SEMA3C: variants seen among roughly 807,000 people sequenced by gnomAD.
SEMA3C encodes semaphorin 3C.
A neutral mutation model predicts 89.4 loss-of-function variants in SEMA3C; 47 were observed. The ratio of observed to expected loss-of-function variants is 0.53; its 90% CI spans 0.42 to 0.67. SEMA3C has a LOEUF of 0.67. Ranked by LOEUF, SEMA3C falls within the 30% of genes least tolerant of loss-of-function variation. The probability of loss-of-function intolerance (pLI) is 0.00; values close to 1 mark genes in which losing one functional copy is unlikely to be tolerated. For synonymous variants in SEMA3C, 310 were observed against 320.2 expected (o/e 0.97, Z 0.34); for missense variants, 839 against 929.1 (o/e 0.90, Z 1.26).
chr7:80,765,611 C>T (rs1788282034), intron 12 of SEMA3C, among the ~76,000 whole-genome samples: 7 of 152,012 alleles, frequency 4.6e-5, no homozygotes, highest in Admixed American at 3.9e-4. Flanking sequence ...GTGTCTTGCT[C>T]TCTTGCCCAG....
At chr7:80,759,311 G>C (rs1161795264) in intron 14 of SEMA3C, among the ~76,000 whole-genome samples, 1 of 152,134 alleles carries the variant, frequency 6.6e-6, no homozygotes, top group Non-Finnish European at 1.5e-5. Flanking sequence ...TGATGCAGTT[G>C]TATGGGTGTG....
chr7:80,878,626 T>C (rs1791255584), intron 2 of SEMA3C, among the ~76,000 whole-genome samples: 1 of 152,042 alleles, frequency 6.6e-6, no homozygotes, highest in South Asian at 2.1e-4. Flanking sequence ...AAGTTAGATA[T>C]CTTAAGTCTG....
intron 2 of SEMA3C, among the ~76,000 whole-genome samples, chr7:80,849,489 A>G (rs1790462780): frequency 6.6e-6 from 1 of 152,204 alleles, no homozygotes; most frequent in Non-Finnish European, 1.5e-5. Context: ...TATGCATAAA[A>G]ATACATGTTC....
chr7:80,783,295 G>T (rs968400504), intron 12 of SEMA3C, among the ~76,000 whole-genome samples: 2 of 151,700 alleles, frequency 1.3e-5, no homozygotes, highest in African/African-American at 4.8e-5. Context: ...ACCTCTCTTT[G>T]CTACTCTTCT....
At chr7:80,854,429 G>T (rs1000984297) in intron 2 of SEMA3C, among the ~76,000 whole-genome samples, 3 of 152,104 alleles carry the variant, frequency 2.0e-5, no homozygotes, top group Non-Finnish European at 2.9e-5. Context: ...AAACAGCATA[G>T]GTATACCTCC....
intron 2 of SEMA3C, among the ~76,000 whole-genome samples, chr7:80,908,016 T>C (rs763981931): frequency 7.2e-5 from 11 of 152,152 alleles, no homozygotes; most frequent in Non-Finnish European, 8.8e-5. Flanking sequence ...AAAAATATCA[T>C]TTGTATAATA....
rs1285566513 is a variant in SEMA3C at position 80,897,048 on chromosome 7, T to C, written c.103+19631A>G. 2.0e-5 allele frequency among the ~76,000 whole-genome samples: 3 copies of C among 152,166 alleles called. No homozygotes were observed. In the East Asian group the frequency reaches 5.8e-4, roughly 29 times the overall value. ...CGCCGGAGAGCATGGGGCTGTGGGA[T>C]GGGCCAGCAACTTGCATGGCCTGAC... On this transcript the variant is annotated intron_variant, in intron 2 of 17. Coordinates refer to ENST00000265361, the MANE Select transcript of SEMA3C (RefSeq NM_006379.5).
chr7:80,911,923 G>A (rs115159497), intron 2 of SEMA3C, among the ~76,000 whole-genome samples: 1,600 of 152,074 alleles, frequency 0.011, 25 homozygotes, highest in African/African-American at 0.036. Flanking sequence ...GTGAGCCCCC[G>A]TGCTCGACCA....
At chr7:80,883,751 A>G (rs927216631) in intron 2 of SEMA3C, among the ~76,000 whole-genome samples, 5 of 152,254 alleles carry the variant, frequency 3.3e-5, no homozygotes, top group Non-Finnish European at 5.9e-5. Flanking sequence ...GGTCCTTCAG[A>G]GTATCAAAGC....
At chr7:80,885,253 G>A (rs116745389) in intron 2 of SEMA3C, among the ~76,000 whole-genome samples, 1 of 152,098 alleles carries the variant, frequency 6.6e-6, no homozygotes. Flanking sequence ...TTGGAAGATA[G>A]CTCTTCTCTA....
Position 80,918,943 on chromosome 7 carries a change from A to C in SEMA3C, c.-154T>G. Reference sequence around the variant, plus strand: ...TATTTTCTAGCACGTCGCAAAGGTGAAATTCTTTCTTCCCGGTCCTCTGAG... The same window carrying C: ...TATTTTCTAGCACGTCGCAAAGGTGCAATTCTTTCTTCCCGGTCCTCTGAG... On this transcript the variant is annotated 5_prime_UTR_variant, in exon 1 of 18. Coordinates refer to ENST00000265361, the MANE Select transcript of SEMA3C (RefSeq NM_006379.5). 2 of 985,398 alleles carry C rather than the reference A, an allele frequency of 2.0e-6. No homozygotes were observed. Among genetic ancestry groups the C allele is most frequent in the Non-Finnish European group, 2.4e-6 (2 of 829,948 alleles). The allele number at this position is 985,398 out of a possible 1,614,324, so 61.0% of individuals were successfully genotyped here. A position where few individuals can be genotyped will look rare whatever the true frequency, so the allele number is the denominator to read the frequency against.
chr7:80,814,751 A>G (rs1463134463), intron 5 of SEMA3C, among the ~76,000 whole-genome samples: 1 of 152,194 alleles, frequency 6.6e-6, no homozygotes, highest in East Asian at 1.9e-4. Context: ...ACAAACAAGA[A>G]AAGTGTCAGC....
chr7:80,758,809 C>A (rs1305305086), intron 14 of SEMA3C, among the ~76,000 whole-genome samples: 1 of 151,970 alleles, frequency 6.6e-6, no homozygotes, highest in Non-Finnish European at 1.5e-5. Context: ...GACTTTTTTT[C>A]TTTGAATGCT....
chr7:80,845,750 T>C (rs1016778574), intron 2 of SEMA3C, among the ~76,000 whole-genome samples: 1 of 152,184 alleles, frequency 6.6e-6, no homozygotes, highest in Admixed American at 6.5e-5. Flanking sequence ...TGGAAAACCA[T>C]GGGCACTAGG....
intron 2 of SEMA3C, among the ~76,000 whole-genome samples, chr7:80,899,242 T>C (rs1791815896): frequency 6.6e-6 from 1 of 152,162 alleles, no homozygotes; most frequent in Non-Finnish European, 1.5e-5. Flanking sequence ...GGTTTTACCA[T>C]GTTGGCCAGG....
intron 11 of SEMA3C, among the ~76,000 whole-genome samples, chr7:80,792,560 T>G (rs1335359501): frequency 6.6e-6 from 1 of 152,214 alleles, no homozygotes; most frequent in African/African-American, 2.4e-5. Context: ...GTCTCTGGCT[T>G]TTACTTAATG....
intron 2 of SEMA3C, among the ~76,000 whole-genome samples, chr7:80,870,123 G>A (rs563287380): frequency 5.9e-5 from 9 of 152,096 alleles, no homozygotes; most frequent in African/African-American, 1.2e-4. Flanking sequence ...TCCACTGCAC[G>A]GCTTCTTACT....
At chr7:80,826,793 G>A (rs1413240511) in intron 4 of SEMA3C, among the ~76,000 whole-genome samples, 1 of 152,086 alleles carries the variant, frequency 6.6e-6, no homozygotes, top group Non-Finnish European at 1.5e-5. Context: ...ATTTGTTTTA[G>A]AATATTCAAG....
intron 12 of SEMA3C, among the ~76,000 whole-genome samples, chr7:80,768,241 T>C (rs572227675): frequency 4.9e-4 from 75 of 152,224 alleles, no homozygotes; most frequent in Middle Eastern, 6.8e-3. Flanking sequence ...TAGCCGGGCG[T>C]GGTGGCTCAC....
Sources: allele counts gnomAD v4.1 joint callset (sites outside exome capture counted in the v4.1 genomes callset), GRCh38; gene constraint gnomAD v4.1.1; transcripts MANE v1.5; gene names NCBI Gene and HGNC (gene_info 2026-07-23, HGNC 2026-07-21).